The following RMST variants were observed in gnomAD, a reference collection of about 807,000 sequenced individuals.
RMST encodes the protein rhabdomyosarcoma 2 associated transcript.
intron 5 of RMST, chr12:97,465,785 C>A (rs1873112493): frequency 6.6e-6 from 1 of 152,008 alleles, no homozygotes; most frequent in Admixed American, 6.5e-5. Context: ...TACTTCTTGC[C>A]AGTAGCATTG....
intron 10 of RMST, among the ~76,000 whole-genome samples, chr12:97,509,947 C>G (rs1389760454): frequency 6.6e-6 from 1 of 152,148 alleles, no homozygotes; most frequent in Non-Finnish European, 1.5e-5. Flanking sequence ...TAGACTATAG[C>G]TACCTGGGGA....
chr12:97,553,118 G>C (rs770044313), intron 11 of RMST, among the ~76,000 whole-genome samples: 1 of 152,132 alleles, frequency 6.6e-6, no homozygotes, highest in Non-Finnish European at 1.5e-5. Flanking sequence ...AAACATGACT[G>C]TATTTGGCAC....
chr12:97,522,972 C>T (rs1880673040), intron 10 of RMST, among the ~76,000 whole-genome samples: 1 of 152,082 alleles, frequency 6.6e-6, no homozygotes, highest in Non-Finnish European at 1.5e-5. Flanking sequence ...CATTAGCTCA[C>T]AGCAATAGGC....
chr12:97,476,349 C>A (rs955367512), intron 5 of RMST, among the ~76,000 whole-genome samples: 1 of 152,228 alleles, frequency 6.6e-6, no homozygotes, highest in South Asian at 2.1e-4. Context: ...AGCTTCTTCT[C>A]CTGCTTCATC....
chr12:97,489,890 G>C (rs1876568131), intron 5 of RMST, among the ~76,000 whole-genome samples: 1 of 152,054 alleles, frequency 6.6e-6, no homozygotes, highest in Admixed American at 6.6e-5. Flanking sequence ...CCATTTTATA[G>C]ACAGTGGAAC....
intron 7 of RMST, chr12:97,493,830 A>G (rs1424168521): frequency 6.6e-6 from 1 of 152,188 alleles, no homozygotes; most frequent in Non-Finnish European, 1.5e-5. Context: ...TCTTAAAGCT[A>G]AAAAACTATA....
chr12:97,521,448 A>ATG (rs1880501530), intron 10 of RMST, among the ~76,000 whole-genome samples: 4 of 152,186 alleles, frequency 2.6e-5, no homozygotes, highest in African/African-American at 7.2e-5. Flanking sequence ...GTATGTATGT[A>ATG]TATATAATAT....
At chr12:97,474,924 T>G (rs1390398673) in intron 5 of RMST, among the ~76,000 whole-genome samples, 3 of 152,192 alleles carry the variant, frequency 2.0e-5, no homozygotes, top group Non-Finnish European at 4.4e-5. Context: ...ACATCTCCAG[T>G]GTACTCATTC....
chr12:97,482,815 A>T (rs1875576795), intron 5 of RMST, among the ~76,000 whole-genome samples: 1 of 145,902 alleles, frequency 6.9e-6, no homozygotes, highest in Admixed American at 6.9e-5. Context: ...AAATAAATTT[A>T]TATTATTTAT....
chr12:97,480,317 T>C (rs1336901997), intron 5 of RMST, among the ~76,000 whole-genome samples: 9 of 151,952 alleles, frequency 5.9e-5, no homozygotes, highest in African/African-American at 1.9e-4. Flanking sequence ...GTCTCAATCT[T>C]CTGACCTCGT....
At chr12:97,539,132 G>T (rs976065785) in intron 11 of RMST, among the ~76,000 whole-genome samples, 2 of 151,470 alleles carry the variant, frequency 1.3e-5, no homozygotes, top group African/African-American at 4.8e-5. Flanking sequence ...GTGCATTACA[G>T]TTATGATTAA....
chr12:97,503,925 T>A (rs1434401943), intron 10 of RMST, among the ~76,000 whole-genome samples: 1 of 145,564 alleles, frequency 6.9e-6, no homozygotes, highest in Non-Finnish European at 1.6e-5. Context: ...AATTAAAACT[T>A]TTTTTTTTCT....
chr12:97,539,190 C>T (rs1882314146), intron 11 of RMST, among the ~76,000 whole-genome samples: 1 of 151,544 alleles, frequency 6.6e-6, no homozygotes, highest in Non-Finnish European at 1.5e-5. Flanking sequence ...TCAGAATTAT[C>T]TTGCCTTTGA....
exon 11 of RMST, chr12:97,530,757 C>CTT (rs900130189): frequency 2.6e-5 from 4 of 152,008 alleles, no homozygotes; most frequent in African/African-American, 9.7e-5. Flanking sequence ...ATATGATGGC[C>CTT]TTGTCACAGA....
chr12:97,540,442 A>C (rs941691613), intron 11 of RMST, among the ~76,000 whole-genome samples: 5 of 151,792 alleles, frequency 3.3e-5, no homozygotes, highest in Non-Finnish European at 7.4e-5. Context: ...ATAACATTTC[A>C]CAAAGAATGG....
At chr12:97,552,295 T>G (rs1883362441) in intron 11 of RMST, 1 of 152,190 alleles carries the variant, frequency 6.6e-6, no homozygotes, top group African/African-American at 2.4e-5. Context: ...TTAAATAAAG[T>G]CGTAATCTAT....
At chr12:97,550,694 TG>T (rs1364244253) in intron 11 of RMST, among the ~76,000 whole-genome samples, 1 of 152,202 alleles carries the variant, frequency 6.6e-6, no homozygotes, top group East Asian at 1.9e-4. Context: ...TTAGTGCAAT[TG>T]GAACTATTTT....
At chr12:97,525,906 T>C (rs1322571709) in intron 10 of RMST, among the ~76,000 whole-genome samples, 1 of 152,102 alleles carries the variant, frequency 6.6e-6, no homozygotes, top group Non-Finnish European at 1.5e-5. Flanking sequence ...AGATCAGTGG[T>C]GGCGTTAGAT....
intron 11 of RMST, among the ~76,000 whole-genome samples, chr12:97,536,685 G>A (rs1280608598): frequency 6.6e-6 from 1 of 151,456 alleles, no homozygotes; most frequent in Non-Finnish European, 1.5e-5. Flanking sequence ...TTTACACTAA[G>A]AAATAAACCT....
Sources: gnomAD v4.1 joint callset for allele counts (sites outside exome capture counted in the v4.1 genomes callset) on GRCh38, gnomAD v4.1.1 for gene constraint, MANE v1.5 for transcripts, NCBI Gene and HGNC (gene_info 2026-07-23, HGNC 2026-07-21) for gene names.